SLC2A1: variants seen among roughly 807,000 people sequenced by gnomAD.
The protein encoded by SLC2A1 is solute carrier family 2 member 1, also known as solute carrier family 2, facilitated glucose transporter member 1.
In SLC2A1, 4 loss-of-function variants were observed where a neutral mutation model predicts 46.6. The ratio of observed to expected loss-of-function variants is 0.09; its 90% CI spans 0.04 to 0.20. The LOEUF is 0.20. Ranked by LOEUF, SLC2A1 falls within the 10% of genes least tolerant of loss-of-function variation. The probability of loss-of-function intolerance (pLI) is 1.00; values close to 1 mark genes in which losing one functional copy is unlikely to be tolerated. For synonymous variants in SLC2A1, 253 were observed against 270.0 expected, an observed-to-expected ratio of 0.94 and a Z score of 0.62; for missense variants, 352 against 667.0, an observed-to-expected ratio of 0.53 and a Z score of 5.20.
intron 1 of SLC2A1, among the ~76,000 whole-genome samples, chr1:42,945,025 G>A (rs1439804436): frequency 6.6e-6 from 1 of 152,122 alleles, no homozygotes; most frequent in Non-Finnish European, 1.5e-5. Flanking sequence ...CGACACACCA[G>A]GTCAAGCCTA....
chr1:42,947,908 G>A (rs1364715484), intron 1 of SLC2A1, among the ~76,000 whole-genome samples: 1 of 152,164 alleles, frequency 6.6e-6, no homozygotes, highest in African/African-American at 2.4e-5. Context: ...CCTGACGAGT[G>A]CTGGAACATC....
intron 2 of SLC2A1, among the ~76,000 whole-genome samples, chr1:42,940,770 C>T (rs866145761): frequency 7.2e-5 from 11 of 152,066 alleles, no homozygotes; most frequent in Admixed American, 5.2e-4. Flanking sequence ...TCTTTTTATT[C>T]CACAGTCTCC....
chr1:42,942,941 A>G (rs1352602705), intron 2 of SLC2A1: 3 of 496,864 alleles, frequency 6.0e-6, no homozygotes, highest in Non-Finnish European at 1.1e-5. Flanking sequence ...TATATCATCA[A>G]ACATATTATT....
intron 1 of SLC2A1, among the ~76,000 whole-genome samples, chr1:42,945,107 G>GCGAC (rs527744304): frequency 6.6e-5 from 10 of 152,304 alleles, no homozygotes; most frequent in African/African-American, 2.4e-4. Flanking sequence ...TCACTAAACA[G>GCGAC]CGACTGCTAG....
chr1:42,928,231 TGAG>T (rs956989809), intron 8 of SLC2A1, among the ~76,000 whole-genome samples: 11 of 152,334 alleles, frequency 7.2e-5, no homozygotes, highest in African/African-American at 2.4e-4. Context: ...TAACCATTCT[TGAG>T]GAGGCCAGGG....
intron 1 of SLC2A1, among the ~76,000 whole-genome samples, chr1:42,945,092 A>G (rs1356094600): frequency 6.6e-6 from 1 of 152,154 alleles, no homozygotes; most frequent in East Asian, 1.9e-4. Flanking sequence ...CATCACCAGG[A>G]GGGCTCACTA....
At chr1:42,953,546 G>T (rs182296879) in intron 1 of SLC2A1, among the ~76,000 whole-genome samples, 85 of 152,330 alleles carry the variant, frequency 5.6e-4, no homozygotes, top group Non-Finnish European at 2.9e-4. Flanking sequence ...TGAGTGAGCG[G>T]CTTTATCACC....
chr1:42,937,591 G>C (rs944024059), intron 2 of SLC2A1, among the ~76,000 whole-genome samples: 4 of 152,250 alleles, frequency 2.6e-5, no homozygotes. Flanking sequence ...CTTACTAGCT[G>C]TGTGTCCTTG....
At chr1:42,928,838 G>C in intron 8 of SLC2A1, 94 bp downstream of exon 8, 1 of 1,126,170 alleles carries the variant, frequency 8.9e-7, no homozygotes, top group Non-Finnish European at 1.3e-6. Context: ...GCCACCAAAA[G>C]GCCTGCCAGC....
Position 42,930,851 on chromosome 1 carries a change from C to T in SLC2A1, c.291G>A (p.Leu97=). The T allele has an allele frequency of 1.2e-6, 2 of 1,600,938 alleles. No individual in the cohort carries two copies. Among genetic ancestry groups the T allele is most frequent in the Non-Finnish European group, 1.7e-6 (2 of 1,179,948 alleles). The change falls in exon 4 of 10, where the codon CTG becomes CTA. Residue 97 remains leucine (L), a synonymous_variant. Transcript: ENST00000426263. This position sits in a 1 kb window ranked among gnomAD's most constrained non-coding sequence, Gnocchi z 6.2. ...VNRFGRRNSM[L]MMNLLAFVSA... ...ACACGAAGGCCAGCAGGTTCATCAT[C>T]AGCATTGAATTCCGCCTGGGGACGG...
intron 1 of SLC2A1, among the ~76,000 whole-genome samples, chr1:42,957,139 T>G (rs926863667): frequency 3.9e-5 from 6 of 152,240 alleles, no homozygotes; most frequent in African/African-American, 1.4e-4. Context: ...ATGGAAAAAC[T>G]GAGGCCCAGA....
chr1:42,940,224 C>A (rs975292013), intron 2 of SLC2A1, among the ~76,000 whole-genome samples: 9 of 152,344 alleles, frequency 5.9e-5, no homozygotes, highest in African/African-American at 2.2e-4. Flanking sequence ...TCTCATCTGC[C>A]TCTCACTCTT....
rs777128232 is a variant in SLC2A1, at chr1:42,931,243, G to A, written c.115-37C>T. On this transcript the variant is annotated intron_variant, in intron 2 of 9. Transcript: ENST00000426263. ...GATGCAGCCTGGGTGAGCAAGCCAG[G>A]GGCCAGGACCCAGTCTTCCTTTTCC... 3.1e-6 allele frequency: 5 copies of A among 1,604,612 alleles called. No individual in the cohort carries two copies. In the East Asian group the frequency reaches 1.1e-4, roughly 36 times the overall value.
At chr1:42,949,231 G>C (rs1325175884) in intron 1 of SLC2A1, among the ~76,000 whole-genome samples, 1 of 152,166 alleles carries the variant, frequency 6.6e-6, no homozygotes, top group Non-Finnish European at 1.5e-5. Flanking sequence ...CTGGGCGACA[G>C]AGTGAGACAC....
rs1239998520 is a variant in SLC2A1 at position 42,930,565 on chromosome 1, G to A, written c.516+61C>T. On this transcript the variant is annotated intron_variant, in intron 4 of 9. Coordinates refer to ENST00000426263, the MANE Select transcript of SLC2A1 (RefSeq NM_006516.4). The surrounding 1 kb of genome is among the most constrained non-coding windows in gnomAD (Gnocchi z 6.2). The stretch of plus-strand genomic sequence containing the variant: ...ACTCTGCCCTGCTGGGCACAGATCC[G>A]AGAGCCACTGAAGCTGTGGGCAGGG... 8.7e-6 allele frequency: 14 copies of A among 1,604,956 alleles called. No individual in the cohort carries two copies. Among genetic ancestry groups the A allele is most frequent in the Admixed American group, 3.4e-5 (2 of 59,338 alleles).
rs894173321 is a variant in SLC2A1, at chr1:42,930,905, C to T, written c.276-39G>A. On this transcript the variant is annotated intron_variant, in intron 3 of 9. Transcript: ENST00000426263. The surrounding 1 kb of genome is among the most constrained non-coding windows in gnomAD (Gnocchi z 6.2). ...CACAGGTCAGGCCAGTGCCCACATTCCTTGGGCTCCGAGGGGCTGGGTCAG... is the reference window on the plus strand; with the variant it reads ...CACAGGTCAGGCCAGTGCCCACATTTCTTGGGCTCCGAGGGGCTGGGTCAG... 1 of 1,603,058 alleles carries T rather than the reference C, an allele frequency of 6.2e-7. No homozygotes were observed. The highest frequency in any genetic ancestry group is 1.3e-5 in the African/African-American group (1 of 75,048).
chr1:42,931,573 C>T (rs910197776), intron 2 of SLC2A1, among the ~76,000 whole-genome samples: 11 of 151,972 alleles, frequency 7.2e-5, no homozygotes, highest in African/African-American at 2.2e-4. Flanking sequence ...CGCCTGTAAT[C>T]CCAGCACTTT....
chr1:42,930,053 C>T lies in SLC2A1; in HGVS notation c.517-18G>A, dbSNP rs372553463. The T allele has an allele frequency of 1.8e-4, 287 of 1,613,244 alleles. 2 individuals are homozygous for T. Among genetic ancestry groups the T allele is most frequent in the Non-Finnish European group, 2.3e-4 (267 of 1,179,946 alleles). On this transcript the variant is annotated intron_variant, in intron 4 of 9. Transcript: ENST00000426263. This position sits in a 1 kb window ranked among gnomAD's most constrained non-coding sequence, Gnocchi z 6.2. Reference sequence around the variant, plus strand: ...CCGAACACCTGGGGGAAGCAGGGGCCGTGAGCGCCTCTGCCCTGACCCCCT... The same window carrying T: ...CCGAACACCTGGGGGAAGCAGGGGCTGTGAGCGCCTCTGCCCTGACCCCCT...
At chr1:42,937,247 A>G (rs1477911864) in intron 2 of SLC2A1, among the ~76,000 whole-genome samples, 1 of 152,226 alleles carries the variant, frequency 6.6e-6, no homozygotes, top group Non-Finnish European at 1.5e-5. Context: ...TGATGCATCC[A>G]TGTTGCTGGT....
Sources: allele counts gnomAD v4.1 joint callset (sites outside exome capture counted in the v4.1 genomes callset), GRCh38; gene constraint gnomAD v4.1.1; non-coding constraint Gnocchi (gnomAD v3.1); transcripts MANE v1.5; gene names NCBI Gene and HGNC (gene_info 2026-07-23, HGNC 2026-07-21).